Variants in CLSTN1 observed in about 807,000 individuals in gnomAD.
CLSTN1 encodes the protein calsyntenin 1.
A neutral mutation model predicts 108.3 loss-of-function variants in CLSTN1; 28 were observed. That is an observed-to-expected ratio of 0.26 (90% CI 0.19 to 0.35). The LOEUF (loss-of-function observed/expected upper bound fraction) is 0.35. CLSTN1 is among the 10% of genes least tolerant of loss of function. The pLI, the probability that CLSTN1 is intolerant of heterozygous loss-of-function variation, is 1.00. For missense variants in CLSTN1, 1,157 were observed against 1,302.6 expected, an observed-to-expected ratio of 0.89 and a Z score of 1.72; for synonymous variants, 524 against 534.9, an observed-to-expected ratio of 0.98 and a Z score of 0.28.
intron 1 of CLSTN1, among the ~76,000 whole-genome samples, chr1:9,818,105 T>G (rs116293348): frequency 0.016 from 2,375 of 148,180 alleles, 54 homozygotes; most frequent in African/African-American, 0.054. Flanking sequence ...CCTGCCAGGC[T>G]CAATCAGTTC....
At chr1:9,799,624 G>A (rs930641860) in intron 1 of CLSTN1, among the ~76,000 whole-genome samples, 81 of 148,546 alleles carry the variant, frequency 5.5e-4, no homozygotes, top group African/African-American at 1.9e-3. Context: ...CTGGGCAACA[G>A]AGCAAGACTC....
chr1:9,774,385 T>C (rs1252755228), intron 1 of CLSTN1, among the ~76,000 whole-genome samples: 3 of 151,638 alleles, frequency 2.0e-5, no homozygotes, highest in East Asian at 3.9e-4. Context: ...GGCCAATATG[T>C]TGAAACCCTG....
intron 1 of CLSTN1, among the ~76,000 whole-genome samples, chr1:9,805,068 C>T (rs564974316): frequency 1.1e-4 from 17 of 151,930 alleles, no homozygotes; most frequent in Middle Eastern, 3.4e-3. Flanking sequence ...TGCAGTGAGC[C>T]GAGATCGCGC....
intron 2 of CLSTN1, among the ~76,000 whole-genome samples, chr1:9,765,414 T>A (rs973219798): frequency 6.6e-6 from 1 of 151,676 alleles, no homozygotes; most frequent in Non-Finnish European, 1.5e-5. Context: ...CCTGGTGCGG[T>A]GGCTCAATCC....
At chr1:9,736,289 C>T (rs1650687666) in intron 11 of CLSTN1, among the ~76,000 whole-genome samples, 2 of 152,126 alleles carry the variant, frequency 1.3e-5, no homozygotes. Flanking sequence ...CCAAGAGGTC[C>T]CCTGAGGGTC....
Position 9,743,923 on chromosome 1 carries a change from C to T in CLSTN1, c.1317G>A (p.Lys439=). ...AGTGGAACTCTGCAGGTCTGTATTT[C>T]TTCTCCTCAGAAGGATCCTGACGGA... ...FLFRQDPSEE[K]KYRPAEFHWK... is the part of the protein sequence containing the mutation. Residue 439 remains lysine (K), a synonymous_variant, in exon 9 of 19, where the codon AAG becomes AAA. Coordinates refer to ENST00000377298, the MANE Select transcript of CLSTN1 (RefSeq NM_001009566.3). 1 of 1,614,148 alleles carries T rather than the reference C, an allele frequency of 6.2e-7. No individual in the cohort carries two copies. The highest frequency in any genetic ancestry group is 8.5e-7 in the Non-Finnish European group (1 of 1,180,022).
At chr1:9,759,574 G>A (rs947163488) in intron 2 of CLSTN1, among the ~76,000 whole-genome samples, 6 of 152,198 alleles carry the variant, frequency 3.9e-5, no homozygotes, top group African/African-American at 1.4e-4. Context: ...GAGCCACCGC[G>A]CCTGGCCTCA....
intron 7 of CLSTN1, among the ~76,000 whole-genome samples, chr1:9,748,042 T>TA (rs59608707): frequency 0.073 from 9,795 of 134,748 alleles, 962 homozygotes; most frequent in African/African-American, 0.23. Context: ...AGACTCTGTC[T>TA]AAAAAAAAAA....
intron 1 of CLSTN1, chr1:9,781,359 A>G: frequency 2.0e-6 from 1 of 493,516 alleles, no homozygotes; most frequent in South Asian, 3.2e-5. Flanking sequence ...TTTCCTTTTT[A>G]AAAGAATTAT....
chr1:9,732,193 A>T (rs1650439930), intron 16 of CLSTN1, among the ~76,000 whole-genome samples: 1 of 152,148 alleles, frequency 6.6e-6, no homozygotes, highest in Non-Finnish European at 1.5e-5. Context: ...TTTTCTACTT[A>T]TTAGTATTTG....
intron 1 of CLSTN1, among the ~76,000 whole-genome samples, chr1:9,818,830 A>C (rs1482780012): frequency 8.6e-6 from 1 of 116,780 alleles, no homozygotes; most frequent in East Asian, 2.7e-4. Context: ...TCTGTCGCCC[A>C]GGCTGGAGTG....
intron 1 of CLSTN1, among the ~76,000 whole-genome samples, chr1:9,811,049 C>G (rs1004877961): frequency 3.3e-5 from 5 of 152,156 alleles, no homozygotes; most frequent in Admixed American, 6.6e-5. Flanking sequence ...TCTAAGAACA[C>G]TCAGAAAAAG....
intron 1 of CLSTN1, chr1:9,781,287 T>G (rs1653232581): frequency 1.5e-6 from 1 of 686,850 alleles, no homozygotes; most frequent in African/African-American, 1.8e-5. Context: ...TGCAAGAGGA[T>G]TTAAAGATTG....
intron 1 of CLSTN1, among the ~76,000 whole-genome samples, chr1:9,813,941 T>C (rs576878490): frequency 1.3e-5 from 2 of 150,124 alleles, no homozygotes; most frequent in East Asian, 2.0e-4. Context: ...CTACTAAAAA[T>C]ACAAAAAAAA....
intron 10 of CLSTN1, among the ~76,000 whole-genome samples, chr1:9,737,971 T>C (rs1040405224): frequency 2.7e-4 from 41 of 152,062 alleles, no homozygotes; most frequent in African/African-American, 9.4e-4. Flanking sequence ...CTTCTCCTAA[T>C]AGGGAAGACA....
In CLSTN1 at chr1:9,763,075, C is replaced by T. The variant is rs180941019; in HGVS notation, c.215-6565G>A. On this transcript the variant is annotated intron_variant, in intron 2 of 18. Transcript: ENST00000377298. ...CTCCTGCGTTCAAGTGATTCCTGTG[C>T]CTCAGCCTCCCGAGTAGCTGGGACT... Among the ~76,000 whole-genome samples the T allele has an allele frequency of 2.1e-3, 319 of 152,224 alleles. 1 individual carries two copies. The highest frequency in any genetic ancestry group is 3.3e-3 in the Non-Finnish European group (226 of 68,012).
At chr1:9,816,862 G>A (rs915240406) in intron 1 of CLSTN1, among the ~76,000 whole-genome samples, 6 of 152,190 alleles carry the variant, frequency 3.9e-5, no homozygotes, top group Non-Finnish European at 5.9e-5. Context: ...GGTCAGGCTG[G>A]TCTCTTTCTC....
At chr1:9,756,847 C>T (rs964368842) in intron 2 of CLSTN1, among the ~76,000 whole-genome samples, 1 of 152,192 alleles carries the variant, frequency 6.6e-6, no homozygotes, top group Admixed American at 6.5e-5. Context: ...GTGGTGCTAT[C>T]TCGGCTCACT....
Position 9,734,574 on chromosome 1 carries a change from C to CAAA in CLSTN1, c.2110+371_2110+373dup, listed in dbSNP as rs146428342. Among the ~76,000 whole-genome samples the CAAA allele has an allele frequency of 1.6e-4, 16 of 102,030 alleles. No homozygotes were observed. Among genetic ancestry groups the CAAA allele is most frequent in the African/African-American group, 5.2e-4 (14 of 27,050 alleles). The allele number at this position is 102,030 out of a possible 152,430, so 66.9% of individuals were successfully genotyped here. A position where few individuals can be genotyped will look rare whatever the true frequency, so the allele number is the denominator to read the frequency against. On this transcript the variant is annotated intron_variant, in intron 14 of 18. Transcript: ENST00000377298. The surrounding 1 kb of genome is among the most constrained non-coding windows in gnomAD (Gnocchi z 4.8). ...TGGGCGACAGAGTGAGACTCCATCT[C>CAAA]AAAAAAAAAAAAAAAGGGGGGGAGT...
Sources: allele counts gnomAD v4.1 joint callset (sites outside exome capture counted in the v4.1 genomes callset), GRCh38; gene constraint gnomAD v4.1.1; non-coding constraint Gnocchi (gnomAD v3.1); transcripts MANE v1.5; gene names NCBI Gene and HGNC (gene_info 2026-07-23, HGNC 2026-07-21).